Variants in RPS6KC1 observed in about 807,000 individuals in gnomAD.
RPS6KC1 encodes the protein inactive ribosomal protein S6 kinase delta-1.
A neutral mutation model predicts 103.8 loss-of-function variants in RPS6KC1; 54 were observed. The observed-to-expected ratio is 0.52, with a 90% CI of 0.42 to 0.65. The LOEUF (loss-of-function observed/expected upper bound fraction) is 0.65. Among genes scored for constraint, RPS6KC1 ranks in the 30% least tolerant of loss-of-function variants. RPS6KC1 has a pLI of 0.00. For missense variants in RPS6KC1, 1,151 were observed against 1,253.8 expected (o/e 0.92, Z 1.24); for synonymous variants, 439 against 438.7 (o/e 1.00, Z -0.01).
the RPS6KC1 span, among the ~76,000 whole-genome samples, chr1:213,702,689 AT>A: frequency 1.3e-5 from 2 of 151,744 alleles, no homozygotes; most frequent in Admixed American, 6.6e-5. Context: ...TCTTCTTACA[AT>A]TTTTTTCTTG....
chr1:213,130,910 C>A (rs2085528369), intron 6 of RPS6KC1, among the ~76,000 whole-genome samples: 1 of 152,012 alleles, frequency 6.6e-6, no homozygotes, highest in Non-Finnish European at 1.5e-5. Context: ...ACTTCTCATC[C>A]ATCTACCTTT....
At chr1:213,687,362 GT>G in the RPS6KC1 span, among the ~76,000 whole-genome samples, 1 of 152,004 alleles carries the variant, frequency 6.6e-6, no homozygotes, top group Non-Finnish European at 1.5e-5. Flanking sequence ...AAACCTCAGG[GT>G]TTTTTTATTC....
At chr1:213,636,196 AG>A in the RPS6KC1 span, among the ~76,000 whole-genome samples, 1 of 152,222 alleles carries the variant, frequency 6.6e-6, no homozygotes, top group African/African-American at 2.4e-5. Flanking sequence ...ATACTGCCCA[AG>A]GTAATTCATA....
chr1:213,199,548 T>C lies in RPS6KC1; in HGVS notation c.1044+23056T>C, dbSNP rs2093075303. On this transcript the variant is annotated intron_variant, in intron 8 of 14. Coordinates refer to ENST00000366960, the MANE Select transcript of RPS6KC1 (RefSeq NM_012424.6). ...AACTCACAGCCAACCTCGTCCTGAA[T>C]GGGCAATAGCTGGAAGCATTTCCCT... is the stretch of plus-strand genomic sequence containing the variant. 1.3e-5 allele frequency among the ~76,000 whole-genome samples: 2 copies of C among 152,206 alleles called. 1 individual carries two copies. The highest frequency in any genetic ancestry group is 1.3e-4 in the Admixed American group (2 of 15,276).
the RPS6KC1 span, among the ~76,000 whole-genome samples, chr1:213,534,534 A>G: frequency 6.6e-6 from 1 of 152,152 alleles, no homozygotes; most frequent in Non-Finnish European, 1.5e-5. Flanking sequence ...GCATCCTTCA[A>G]CCACTGCTCT....
the RPS6KC1 span, among the ~76,000 whole-genome samples, chr1:213,730,226 A>G: frequency 6.6e-6 from 1 of 152,224 alleles, no homozygotes; most frequent in African/African-American, 2.4e-5. Flanking sequence ...TAGTGCTGCA[A>G]TGAACCTACA....
At chr1:213,722,086 G>A in the RPS6KC1 span, among the ~76,000 whole-genome samples, 1 of 152,158 alleles carries the variant, frequency 6.6e-6, no homozygotes, top group Non-Finnish European at 1.5e-5. Flanking sequence ...TGTGGAGCTA[G>A]TATGCTGGGC....
chr1:213,340,541 T>G, the RPS6KC1 span, among the ~76,000 whole-genome samples: 1 of 152,326 alleles, frequency 6.6e-6, no homozygotes, highest in African/African-American at 2.4e-5. Flanking sequence ...TCAGTGAATA[T>G]TAAGGTAATT....
intron 1 of RPS6KC1, among the ~76,000 whole-genome samples, chr1:213,058,871 A>G (rs2148327163): frequency 6.6e-6 from 1 of 152,282 alleles, no homozygotes; most frequent in African/African-American, 2.4e-5. Context: ...TCTATGTTGA[A>G]TCTTCAAATC....
At chr1:213,683,255 G>A in the RPS6KC1 span, among the ~76,000 whole-genome samples, 1 of 152,152 alleles carries the variant, frequency 6.6e-6, no homozygotes, top group South Asian at 2.1e-4. Context: ...TTTTGAGCTA[G>A]GCTAGGAACT....
At chr1:213,414,957 C>A in the RPS6KC1 span, among the ~76,000 whole-genome samples, 3 of 152,152 alleles carry the variant, frequency 2.0e-5, no homozygotes, top group African/African-American at 7.2e-5. Flanking sequence ...ATTGCTGATT[C>A]TTTGGGGTGG....
At chr1:213,069,934 AT>A (rs1349867584) in intron 1 of RPS6KC1, among the ~76,000 whole-genome samples, 2 of 152,212 alleles carry the variant, frequency 1.3e-5, no homozygotes, top group African/African-American at 4.8e-5. Context: ...TGTGAAAAAA[AT>A]CTTTTTACCT....
chr1:213,277,494 T>A (rs1433017604), downstream of RPS6KC1, among the ~76,000 whole-genome samples: 2 of 152,240 alleles, frequency 1.3e-5, no homozygotes, highest in African/African-American at 4.8e-5. Context: ...GGCAGGCATG[T>A]TGGCCCAGGT....
the RPS6KC1 span, among the ~76,000 whole-genome samples, chr1:213,838,159 T>C: frequency 0.014 from 2,171 of 152,120 alleles, 57 homozygotes; most frequent in African/African-American, 0.051. Context: ...TGTTTCTTCA[T>C]GAAAAAAAAA....
At chr1:213,159,711 C>T (rs2090277571) in intron 6 of RPS6KC1, among the ~76,000 whole-genome samples, 1 of 152,188 alleles carries the variant, frequency 6.6e-6, no homozygotes, top group South Asian at 2.1e-4. Flanking sequence ...CTGTGAGGCA[C>T]AGCTGCTCTA....
chr1:213,859,197 C>T, the RPS6KC1 span, among the ~76,000 whole-genome samples: 6 of 152,162 alleles, frequency 3.9e-5, no homozygotes, highest in Admixed American at 2.6e-4. Flanking sequence ...GAGAATCTCA[C>T]AAGAAAGTAA....
the RPS6KC1 span, among the ~76,000 whole-genome samples, chr1:213,825,951 C>A: frequency 1.3e-5 from 2 of 152,076 alleles, no homozygotes; most frequent in Admixed American, 6.5e-5. Flanking sequence ...ATGTGTACTT[C>A]GGGAAGGGGC....
chr1:213,682,902 C>T, the RPS6KC1 span, among the ~76,000 whole-genome samples: 1,261 of 152,296 alleles, frequency 8.3e-3, 29 homozygotes, highest in East Asian at 0.082. Flanking sequence ...CGAGATTTTA[C>T]TAGACATACT....
At chr1:213,736,575 G>A in the RPS6KC1 span, among the ~76,000 whole-genome samples, 1 of 152,118 alleles carries the variant, frequency 6.6e-6, no homozygotes, top group Admixed American at 6.5e-5. Context: ...TCTTCTATTG[G>A]TTAGAAGGAA....
Sources: allele counts gnomAD v4.1 joint callset (sites outside exome capture counted in the v4.1 genomes callset), GRCh38; gene constraint gnomAD v4.1.1; transcripts MANE v1.5; gene names NCBI Gene and HGNC (gene_info 2026-07-23, HGNC 2026-07-21).